ASAP3: variants seen among roughly 807,000 people sequenced by gnomAD.
ASAP3 encodes ArfGAP with SH3 domain, ankyrin repeat and PH domain 3, also known as arf-GAP with SH3 domain, ANK repeat and PH domain-containing protein 3.
Under a neutral mutation model 118.2 loss-of-function variants are expected in ASAP3, and 85 were observed. The observed-to-expected ratio is 0.72, with a 90% CI of 0.60 to 0.86. The LOEUF (loss-of-function observed/expected upper bound fraction) is 0.86, where lower values mean the gene tolerates loss of function less well. Ranked by LOEUF, ASAP3 falls within the 40% of genes least tolerant of loss-of-function variation. The pLI, the probability that ASAP3 is intolerant of heterozygous loss-of-function variation, is 0.00. For missense variants in ASAP3, 1,026 were observed against 1,175.0 expected (o/e 0.87, Z 1.85); for synonymous variants, 432 against 477.4 (o/e 0.90, Z 1.24).
At chr1:23,478,231 G>A (rs913275826) in intron 1 of ASAP3, among the ~76,000 whole-genome samples, 11 of 152,238 alleles carry the variant, frequency 7.2e-5, no homozygotes, top group African/African-American at 1.4e-4. Flanking sequence ...TTGGGAAGCC[G>A]AGGTGGGTGG....
At position 23,436,033 on chromosome 1, in the gene ASAP3, C is replaced by CAAA; in HGVS notation, c.1572-8_1572-6dup. The CAAA allele has an allele frequency of 6.2e-7, 1 of 1,613,906 alleles. No individual in the cohort carries two copies. Reference sequence around the variant, plus strand: ...ATGTAGTCCCTGCGGGTGCCCCTACCAAAAACAACCACAGGATCTCAGAGC... The same window carrying CAAA: ...ATGTAGTCCCTGCGGGTGCCCCTACCAAAAAAAACAACCACAGGATCTCAGAGC... On this transcript the variant is annotated splice_region_variant and splice_polypyrimidine_tract_variant and intron_variant, in intron 16 of 24. Transcript: ENST00000336689. This position sits in a 1 kb window ranked among gnomAD's most constrained non-coding sequence, Gnocchi z 4.2.
intron 1 of ASAP3, among the ~76,000 whole-genome samples, chr1:23,457,464 G>A (rs545531691): frequency 9.9e-5 from 15 of 152,278 alleles, no homozygotes; most frequent in African/African-American, 2.9e-4. Context: ...GAGGAAGGGG[G>A]GTCTAGTTAC....
chr1:23,470,610 G>T (rs891644941), intron 1 of ASAP3, among the ~76,000 whole-genome samples: 1 of 152,256 alleles, frequency 6.6e-6, no homozygotes, highest in South Asian at 2.1e-4. Flanking sequence ...GACAGGGAAG[G>T]CTCCTGTATG....
At chr1:23,449,562 C>T (rs551241340) in intron 5 of ASAP3, among the ~76,000 whole-genome samples, 7 of 152,234 alleles carry the variant, frequency 4.6e-5, no homozygotes, top group South Asian at 2.1e-4. Flanking sequence ...TAGGAACTTA[C>T]GGCTCACGCA....
At chr1:23,440,326 C>T (rs1437980214) in intron 10 of ASAP3, among the ~76,000 whole-genome samples, 1 of 144,114 alleles carries the variant, frequency 6.9e-6, no homozygotes, top group Non-Finnish European at 1.5e-5. Context: ...ACGGTGAAAC[C>T]CCGTCTCTAC....
At chr1:23,452,818 C>T (rs374110661) in intron 3 of ASAP3, 47 bp from the exon 4 acceptor site, 13 of 1,579,966 alleles carry the variant, frequency 8.2e-6, no homozygotes, top group Admixed American at 1.7e-5. Context: ...GACCGGCATC[C>T]AGCCCCTAGG....
intron 10 of ASAP3, 28 bp from the exon 11 acceptor site, chr1:23,439,258 T>A (rs1197671282): frequency 1.9e-6 from 3 of 1,611,054 alleles, no homozygotes; most frequent in African/African-American, 2.7e-5. Context: ...AGAAGGACAG[T>A]GACCCAAGGC....
At chr1:23,477,587 C>CGT (rs1642173983) in intron 1 of ASAP3, among the ~76,000 whole-genome samples, 1 of 151,916 alleles carries the variant, frequency 6.6e-6, no homozygotes, top group African/African-American at 2.4e-5. Flanking sequence ...TAAGGCCACA[C>CGT]GTGTGGACAA....
At chr1:23,483,811 G>T (rs1642392470) in intron 1 of ASAP3, among the ~76,000 whole-genome samples, 194 bp downstream of exon 1, 1 of 152,140 alleles carries the variant, frequency 6.6e-6, no homozygotes, top group South Asian at 2.1e-4. Context: ...CCCCCAAAAC[G>T]GTCCCTCGGG....
intron 1 of ASAP3, among the ~76,000 whole-genome samples, chr1:23,457,249 C>G (rs1338385073): frequency 6.6e-6 from 1 of 152,128 alleles, no homozygotes; most frequent in African/African-American, 2.4e-5. Context: ...CCCACCCTGA[C>G]CCCAGCCCAG....
At chr1:23,441,290 G>A (rs1640865057) in intron 9 of ASAP3, 79 bp from the exon 10 acceptor site, 1 of 1,604,106 alleles carries the variant, frequency 6.2e-7, no homozygotes, top group Non-Finnish European at 8.5e-7. Context: ...CACTCAGGGA[G>A]ACTTCTCCAG....
intron 5 of ASAP3, among the ~76,000 whole-genome samples, chr1:23,447,442 C>A (rs1393844249): frequency 6.6e-6 from 1 of 152,214 alleles, no homozygotes; most frequent in Admixed American, 6.5e-5. Flanking sequence ...ATGCCAAAAA[C>A]TGCCGGAATT....
Position 23,437,457 on chromosome 1 carries a change from T to A in ASAP3, c.1118A>T (p.His373Leu), listed in dbSNP as rs1218745257. The part of the protein sequence containing the change: ...FDLVTHNRTY[H>L]FQAEDEHECE... ...CTCGTGCTCGTCCTCTGCCTGAAAG[T>A]GGTACGTCCGGTTGTCTGTCGGGAG... Residue 373 changes from histidine to leucine, a missense_variant, in exon 13 of 25, where the codon CAC becomes CTC. Coordinates refer to ENST00000336689, the MANE Select transcript of ASAP3 (RefSeq NM_017707.4). This position sits in a 1 kb window ranked among gnomAD's most constrained non-coding sequence, Gnocchi z 6.1. 6.2e-7 allele frequency: 1 copy of A among 1,613,906 alleles called. No individual in the cohort carries two copies. The highest frequency in any genetic ancestry group is 8.5e-7 in the Non-Finnish European group (1 of 1,179,994).
At chr1:23,464,971 T>C (rs1375760612) in intron 1 of ASAP3, among the ~76,000 whole-genome samples, 2 of 152,200 alleles carry the variant, frequency 1.3e-5, no homozygotes, top group African/African-American at 2.4e-5. Flanking sequence ...GTCCCCAAAC[T>C]ACCTGGATTT....
rs1471228551 is a variant in ASAP3, at chr1:23,455,765, AG to A, written c.348+115del. 5.9e-6 allele frequency: 8 copies of A among 1,345,692 alleles called. No homozygotes were observed. The African/African-American group carries it at 1.0e-4, about 17-fold the overall frequency. The allele number at this position is 1,345,692 out of a possible 1,614,324, so 83.4% of individuals were successfully genotyped here. On this transcript the variant is annotated intron_variant, in intron 3 of 24. Transcript: ENST00000336689. ...GGAAAGGGACCTCAGGTCTGAACTCAGGTCAGAGATCAAGGGCAAATTGGGA... is the reference window on the plus strand; with the variant it reads ...GGAAAGGGACCTCAGGTCTGAACTCAGTCAGAGATCAAGGGCAAATTGGGA...
chr1:23,474,992 A>T (rs1642080941), intron 1 of ASAP3, among the ~76,000 whole-genome samples: 1 of 152,332 alleles, frequency 6.6e-6, no homozygotes, highest in South Asian at 2.1e-4. Flanking sequence ...AGACAATCCC[A>T]CAAGCTGGCA....
intron 9 of ASAP3, 50 bp from the exon 10 acceptor site, chr1:23,441,261 G>A: frequency 6.2e-7 from 1 of 1,608,044 alleles, no homozygotes; most frequent in Non-Finnish European, 8.5e-7. Flanking sequence ...AGTGGGAAGA[G>A]CCCCATTCTG....
chr1:23,478,888 C>T (rs888743930), intron 1 of ASAP3, among the ~76,000 whole-genome samples: 6 of 152,120 alleles, frequency 3.9e-5, no homozygotes, highest in African/African-American at 1.4e-4. Flanking sequence ...GGACACAGCA[C>T]CTCTCCCTGG....
At chr1:23,466,798 C>A (rs1211064874) in intron 1 of ASAP3, among the ~76,000 whole-genome samples, 1 of 152,216 alleles carries the variant, frequency 6.6e-6, no homozygotes, top group Non-Finnish European at 1.5e-5. Flanking sequence ...GACATTCATT[C>A]CTTTGGACCA....
Sources: allele counts gnomAD v4.1 joint callset (sites outside exome capture counted in the v4.1 genomes callset), GRCh38; gene constraint gnomAD v4.1.1; non-coding constraint Gnocchi (gnomAD v3.1); transcripts MANE v1.5; gene names NCBI Gene and HGNC (gene_info 2026-07-23, HGNC 2026-07-21).